ZFR2: variants seen among roughly 807,000 people sequenced by gnomAD.
ZFR2 encodes zinc finger RNA binding protein 2.
A neutral mutation model predicts 105.7 loss-of-function variants in ZFR2; 104 were observed. That is an observed-to-expected ratio of 0.98 (90% confidence interval 0.84 to 1.16). The LOEUF is 1.16. ZFR2 is among the 50% of genes most tolerant of loss of function. The probability of loss-of-function intolerance (pLI) is 0.00; values close to 1 mark genes in which losing one functional copy is unlikely to be tolerated. For synonymous variants in ZFR2, 634 were observed against 597.7 expected (o/e 1.06, Z -0.89); for missense variants, 1,425 against 1,355.5 (o/e 1.05, Z -0.80).
intron 1 of ZFR2, among the ~76,000 whole-genome samples, chr19:3,844,249 C>T (rs1568429038): frequency 6.6e-6 from 1 of 152,142 alleles, no homozygotes; most frequent in Non-Finnish European, 1.5e-5. Flanking sequence ...CTCATATCCA[C>T]TACCAATCAC....
Position 3,843,446 on chromosome 19 carries a change from G to A in ZFR2, c.54-8463C>T, listed in dbSNP as rs149107962. The stretch of plus-strand genomic sequence containing the variant: ...AGATCGCGCCACTGCACTCCAGCCT[G>A]GGAGACAGAGCAAGACTCTGTCTCA... On this transcript the variant is annotated intron_variant, in intron 1 of 18. Transcript: ENST00000262961. Among the ~76,000 whole-genome samples the A allele has an allele frequency of 3.1e-3, 472 of 152,196 alleles. 4 individuals are homozygous for A. The highest frequency in any genetic ancestry group is 3.4e-3 in the Admixed American group (52 of 15,262).
At chr19:3,857,438 C>T (rs2038318483) in intron 1 of ZFR2, among the ~76,000 whole-genome samples, 1 of 151,476 alleles carries the variant, frequency 6.6e-6, no homozygotes. Context: ...GGTGTGGTGG[C>T]TCACACCTGT....
At chr19:3,828,008 A>T (rs2037972093) in intron 5 of ZFR2, among the ~76,000 whole-genome samples, 1 of 150,722 alleles carries the variant, frequency 6.6e-6, no homozygotes, top group African/African-American at 2.4e-5. Flanking sequence ...TTTAGTAGAG[A>T]CGGGGTTTCA....
chr19:3,846,451 G>A (rs2038185475), intron 1 of ZFR2, among the ~76,000 whole-genome samples: 3 of 152,226 alleles, frequency 2.0e-5, no homozygotes, highest in South Asian at 4.1e-4. Flanking sequence ...GTCATGGTGA[G>A]CGGGACAGAA....
intron 6 of ZFR2, among the ~76,000 whole-genome samples, chr19:3,825,827 A>C (rs1391692929): frequency 2.0e-5 from 3 of 152,018 alleles, no homozygotes; most frequent in Non-Finnish European, 4.4e-5. Flanking sequence ...ACGGACACCC[A>C]CGTTCTGCAC....
At chr19:3,839,536 CAAAAAAA>C (rs60712587) in intron 1 of ZFR2, among the ~76,000 whole-genome samples, 13 of 36,640 alleles carry the variant, frequency 3.5e-4, no homozygotes, top group African/African-American at 1.1e-3. Flanking sequence ...GGGATTCTGT[CAAAAAAA>C]AAAAAAAAAA....
chr19:3,848,946 A>C (rs1373334588), intron 1 of ZFR2, among the ~76,000 whole-genome samples: 1 of 152,178 alleles, frequency 6.6e-6, no homozygotes, highest in Non-Finnish European at 1.5e-5. Context: ...GTGAGCCGAG[A>C]TCACACCACT....
chr19:3,810,177 A>T (rs540830598), intron 16 of ZFR2, among the ~76,000 whole-genome samples: 31 of 151,632 alleles, frequency 2.0e-4, no homozygotes, highest in African/African-American at 7.5e-4. Context: ...GGCGGGGGGG[A>T]GGCCGGGTGT....
intron 6 of ZFR2, 136 bp from the exon 7 acceptor site, chr19:3,825,543 C>T (rs1199078793): frequency 1.3e-5 from 15 of 1,157,186 alleles, no homozygotes; most frequent in Non-Finnish European, 5.9e-6. Context: ...CCTCTCTTCT[C>T]TCCTCCTGCT....
chr19:3,838,047 C>T lies in ZFR2; in HGVS notation c.54-3064G>A, dbSNP rs1396301721. On this transcript the variant is annotated intron_variant, in intron 1 of 18. Transcript: ENST00000262961. The surrounding 1 kb of genome is among the most constrained non-coding windows in gnomAD (Gnocchi z 4.9). ...CACCGTGACTGTGACACACGATGAACACCATGACCGTGACACGTGATGAAC... is the reference window on the plus strand; with the variant it reads ...CACCGTGACTGTGACACACGATGAATACCATGACCGTGACACGTGATGAAC... Among the ~76,000 whole-genome samples the T allele has an allele frequency of 2.0e-5, 3 of 151,336 alleles. No individual in the cohort carries two copies. Among genetic ancestry groups the T allele is most frequent in the African/African-American group, 7.3e-5 (3 of 41,108 alleles).
rs1599233142 is a variant in ZFR2, at chr19:3,827,477, G to A, written c.1029C>T (p.His343=). 1 of 1,547,918 alleles carries A rather than the reference G, an allele frequency of 6.5e-7. No homozygotes were observed. The highest frequency in any genetic ancestry group is 8.7e-7 in the Non-Finnish European group (1 of 1,146,602). The change falls in exon 6 of 19, where the codon CAC becomes CAT. Residue 343 remains histidine (H), a synonymous_variant. Coordinates refer to ENST00000262961, the MANE Select transcript of ZFR2 (RefSeq NM_015174.2). The part of the protein sequence containing the change: ...AYAAHIRGSK[H]QKVFKLHAKL... Reference sequence around the variant, plus strand: ...GGGCCGGGCGGGGCCGTACCTTCTGGTGCTTGGATCCCCGGATGTGGGCCG... The same window carrying A: ...GGGCCGGGCGGGGCCGTACCTTCTGATGCTTGGATCCCCGGATGTGGGCCG...
At chr19:3,837,096 G>A (rs1386692636) in intron 1 of ZFR2, among the ~76,000 whole-genome samples, 2 of 152,308 alleles carry the variant, frequency 1.3e-5, no homozygotes, top group East Asian at 3.9e-4. Context: ...CCGGGGACAA[G>A]GAGACATTCT....
At position 3,804,354 on chromosome 19, in the gene ZFR2, C is replaced by A. The variant is rs1490384997; in HGVS notation, c.*1595G>T. 1 of 152,290 alleles carries A rather than the reference C, an allele frequency of 6.6e-6. No homozygotes were observed. Among genetic ancestry groups the A allele is most frequent in the African/African-American group, 2.4e-5 (1 of 41,430 alleles). 9.4% of individuals were successfully genotyped at this position (152,290 alleles called of 1,614,324 possible). The stretch of plus-strand genomic sequence containing the variant: ...GCGGCCCCTCCCCGGGTCCCCCAGG[C>A]ACGGGTCCCGGGCCCTGCTACCACA... On this transcript the variant is annotated 3_prime_UTR_variant, in exon 19 of 19. Coordinates refer to ENST00000262961, the MANE Select transcript of ZFR2 (RefSeq NM_015174.2).
At chr19:3,852,398 G>A (rs2038249914) in intron 1 of ZFR2, 1 of 694,060 alleles carries the variant, frequency 1.4e-6, no homozygotes, top group African/African-American at 1.8e-5. Flanking sequence ...CTGTTGGATG[G>A]GGCACTGTGA....
At chr19:3,836,720 C>T (rs2038078584) in intron 1 of ZFR2, among the ~76,000 whole-genome samples, 1 of 152,176 alleles carries the variant, frequency 6.6e-6, no homozygotes, top group South Asian at 2.1e-4. Flanking sequence ...CCATCGCTCC[C>T]CACGGTCTAG....
rs536285855 is a variant in ZFR2 at position 3,830,755 on chromosome 19, A to G, written c.852+548T>C. ...GTGTGTTTTGCAAAGACAGAGCTCT[A>G]GGGTCTAATTATCTTTCCAGGAATT... is the stretch of plus-strand genomic sequence containing the variant. On this transcript the variant is annotated intron_variant, in intron 5 of 18. Coordinates refer to ENST00000262961, the MANE Select transcript of ZFR2 (RefSeq NM_015174.2). Among the ~76,000 whole-genome samples the G allele has an allele frequency of 5.4e-5, 8 of 147,348 alleles. No individual in the cohort carries two copies. In the South Asian group the frequency reaches 1.8e-3, roughly 32 times the overall value.
rs2038331995 is a variant in ZFR2, at chr19:3,858,300, C to G, written c.53+10665G>C. 6.6e-6 allele frequency among the ~76,000 whole-genome samples: 1 copy of G among 152,166 alleles called. No individual in the cohort carries two copies. The highest frequency in any genetic ancestry group is 6.5e-5 in the Admixed American group (1 of 15,270). On this transcript the variant is annotated intron_variant, in intron 1 of 18. Coordinates refer to ENST00000262961, the MANE Select transcript of ZFR2 (RefSeq NM_015174.2). This position sits in a 1 kb window ranked among gnomAD's most constrained non-coding sequence, Gnocchi z 4.3. ...CACTTCAGAGGGACACGGGTGGGAT[C>G]TGCAGATAGAGGCAGGTGGCGAAAT...
chr19:3,860,687 G>C (rs1406648600), intron 1 of ZFR2, among the ~76,000 whole-genome samples: 1 of 152,110 alleles, frequency 6.6e-6, no homozygotes, highest in Non-Finnish European at 1.5e-5. Context: ...CATTAGCTAC[G>C]TGCCCTCCCA....
intron 1 of ZFR2, among the ~76,000 whole-genome samples, chr19:3,851,581 C>A (rs1487484525): frequency 6.6e-6 from 1 of 152,208 alleles, no homozygotes; most frequent in East Asian, 1.9e-4. Flanking sequence ...GGTCTCACAC[C>A]CACTCTCAGG....
Sources: allele counts gnomAD v4.1 joint callset (sites outside exome capture counted in the v4.1 genomes callset), GRCh38; gene constraint gnomAD v4.1.1; non-coding constraint Gnocchi (gnomAD v3.1); transcripts MANE v1.5; gene names NCBI Gene and HGNC (gene_info 2026-07-23, HGNC 2026-07-21).